Variants in KCNK2 observed in about 807,000 individuals in gnomAD.
KCNK2 encodes the protein potassium channel subfamily K member 2.
In KCNK2, 21 loss-of-function variants were observed where a neutral mutation model predicts 40.5. The ratio of observed to expected loss-of-function variants is 0.52; its 90% CI spans 0.37 to 0.75. The LOEUF is 0.75. KCNK2 is among the 30% of genes least tolerant of loss of function. The pLI is 0.00. For missense variants in KCNK2, 399 were observed against 531.6 expected (o/e 0.75, Z 2.45); for synonymous variants, 191 against 202.2 (o/e 0.94, Z 0.47).
At chr1:215,044,833 G>GCGCGCA (rs540471262) in intron 1 of KCNK2, among the ~76,000 whole-genome samples, 340 of 141,410 alleles carry the variant, frequency 2.4e-3, no homozygotes, top group African/African-American at 8.5e-3. Flanking sequence ...GTGTGCGCGC[G>GCGCGCA]CACACGTGTG....
At chr1:215,055,787 A>T (rs537056571) in intron 1 of KCNK2, among the ~76,000 whole-genome samples, 2 of 152,290 alleles carry the variant, frequency 1.3e-5, no homozygotes, top group African/African-American at 4.8e-5. Context: ...TGACCTTTTG[A>T]TGTACTTGAG....
At chr1:215,046,469 A>G (rs1397854865) in intron 1 of KCNK2, among the ~76,000 whole-genome samples, 2 of 152,050 alleles carry the variant, frequency 1.3e-5, no homozygotes, top group Non-Finnish European at 1.5e-5. Context: ...GGGAGACTTC[A>G]TTTTCTGATA....
rs530725721 is a variant in KCNK2 at position 215,172,888 on chromosome 1, C to T, written c.823+705C>T. The stretch of plus-strand genomic sequence containing the variant: ...ATCAGGCTGGTCTTGAACTCCTGAA[C>T]TTAGGTGCCTCAGCCTCTGAAAGTG... On this transcript the variant is annotated intron_variant, in intron 5 of 6. Coordinates refer to ENST00000444842, the MANE Select transcript of KCNK2 (RefSeq NM_001017425.3). 7.9e-5 allele frequency among the ~76,000 whole-genome samples: 12 copies of T among 152,112 alleles called. No individual in the cohort carries two copies. The South Asian group carries it at 2.5e-3, about 32-fold the overall frequency.
At chr1:215,042,801 G>A (rs1395570186) in intron 1 of KCNK2, among the ~76,000 whole-genome samples, 2 of 152,052 alleles carry the variant, frequency 1.3e-5, no homozygotes, top group African/African-American at 4.8e-5. Flanking sequence ...CATTTCCTAA[G>A]TGGGCTTACC....
chr1:215,104,933 C>T (rs938130433), intron 2 of KCNK2, among the ~76,000 whole-genome samples: 60 of 151,952 alleles, frequency 3.9e-4, no homozygotes, highest in Non-Finnish European at 7.7e-4. Flanking sequence ...ATATCATGAA[C>T]ATCTATCCAT....
At chr1:215,159,245 T>C (rs1663081540) in intron 3 of KCNK2, among the ~76,000 whole-genome samples, 1 of 152,144 alleles carries the variant, frequency 6.6e-6, no homozygotes, top group Non-Finnish European at 1.5e-5. Context: ...TGCCAGACTT[T>C]CCTAGGTGTC....
intron 5 of KCNK2, among the ~76,000 whole-genome samples, chr1:215,177,717 T>C (rs965930551): frequency 4.7e-5 from 4 of 84,600 alleles, no homozygotes; most frequent in African/African-American, 1.5e-4. Flanking sequence ...CCTATATATA[T>C]ATGTGTATAT....
rs1198729605 is a variant in KCNK2, at chr1:215,235,026, C to G, written c.1162C>G (p.His388Asp). ...TPCRRTLSVN[H>D]LTSERDVLPP... is the part of the protein sequence containing the mutation. ...TTGTAGGAGGACCCTGTCAGTGAAC[C>G]ACCTGACCAGCGAGAGGGATGTCTT... The change falls in exon 7 of 7, where the codon CAC (histidine) becomes GAC (aspartate). Residue 388 changes from histidine to aspartate, a missense_variant. His to Asp is a moderately conservative substitution (Grantham distance 81). Transcript: ENST00000444842. The G allele has an allele frequency of 1.2e-6, 2 of 1,613,856 alleles. No homozygotes were observed. Among genetic ancestry groups the G allele is most frequent in the Non-Finnish European group, 1.7e-6 (2 of 1,179,964 alleles).
intron 1 of KCNK2, among the ~76,000 whole-genome samples, chr1:215,066,681 C>T (rs1330814356): frequency 6.6e-6 from 1 of 152,094 alleles, no homozygotes; most frequent in African/African-American, 2.4e-5. Context: ...AGAGGGCTGA[C>T]CAAGGTAGTC....
At chr1:215,068,619 G>A (rs974415520) in intron 1 of KCNK2, among the ~76,000 whole-genome samples, 7 of 152,188 alleles carry the variant, frequency 4.6e-5, no homozygotes, top group Admixed American at 3.9e-4. Context: ...ACACTTGGTG[G>A]CTGGTAGATT....
At chr1:215,135,731 A>T (rs924221414) in intron 3 of KCNK2, among the ~76,000 whole-genome samples, 1 of 139,374 alleles carries the variant, frequency 7.2e-6, no homozygotes, top group Non-Finnish European at 1.7e-5. Context: ...TTTTTATTTT[A>T]TTTATTTATT....
chr1:215,096,552 C>G (rs1430394872), intron 2 of KCNK2, among the ~76,000 whole-genome samples: 3 of 151,864 alleles, frequency 2.0e-5, no homozygotes, highest in Non-Finnish European at 4.4e-5. Flanking sequence ...ACACAGAAGA[C>G]TTAATACAGT....
At chr1:215,141,982 A>G (rs1378327367) in intron 3 of KCNK2, among the ~76,000 whole-genome samples, 1 of 151,686 alleles carries the variant, frequency 6.6e-6, no homozygotes, top group Non-Finnish European at 1.5e-5. Flanking sequence ...TCTATATTTC[A>G]TTTGTCTTTT....
In KCNK2 at chr1:215,236,848, A is replaced by G. The variant is rs1047391873; in HGVS notation, c.*1703A>G. 2.0e-5 allele frequency: 3 copies of G among 152,182 alleles called. No homozygotes were observed. Among genetic ancestry groups the G allele is most frequent in the Non-Finnish European group, 4.4e-5 (3 of 68,026 alleles). 9.4% of individuals were successfully genotyped at this position (152,182 alleles called of 1,614,324 possible). On this transcript the variant is annotated 3_prime_UTR_variant, in exon 7 of 7. Coordinates refer to ENST00000444842, the MANE Select transcript of KCNK2 (RefSeq NM_001017425.3). ...CCAGAATCTTTAAAAGAAGCAAATA[A>G]ACTAATAGACGCTTATTTTCCAAAA...
intron 2 of KCNK2, among the ~76,000 whole-genome samples, chr1:215,093,637 CAATATAT>C (rs1235183921): frequency 1.2e-5 from 1 of 85,484 alleles, no homozygotes; most frequent in Non-Finnish European, 2.0e-5. Flanking sequence ...AATATATATA[CAATATAT>C]AATATAGAAT....
At chr1:215,095,646 G>T (rs533166124) in intron 2 of KCNK2, among the ~76,000 whole-genome samples, 2 of 152,128 alleles carry the variant, frequency 1.3e-5, no homozygotes, top group South Asian at 2.1e-4. Context: ...ATGTTATGGG[G>T]TTGCGTTTTT....
intron 3 of KCNK2, among the ~76,000 whole-genome samples, chr1:215,142,378 A>C (rs1188046546): frequency 6.6e-6 from 1 of 152,170 alleles, no homozygotes; most frequent in Non-Finnish European, 1.5e-5. Context: ...GTTGGAGTAC[A>C]TAATCTAGAA....
chr1:215,100,244 G>C (rs1257218200), intron 2 of KCNK2, among the ~76,000 whole-genome samples: 1 of 151,932 alleles, frequency 6.6e-6, no homozygotes, highest in Non-Finnish European at 1.5e-5. Context: ...TCTCAACAGG[G>C]TAACAGTGTG....
At chr1:215,139,292 T>G (rs1404576397) in intron 3 of KCNK2, among the ~76,000 whole-genome samples, 3 of 152,142 alleles carry the variant, frequency 2.0e-5, no homozygotes, top group Non-Finnish European at 4.4e-5. Flanking sequence ...ATAGATACAT[T>G]CCTTTGTTAT....
Sources: gnomAD v4.1 joint callset for allele counts (sites outside exome capture counted in the v4.1 genomes callset) on GRCh38, gnomAD v4.1.1 for gene constraint, MANE v1.5 for transcripts, NCBI Gene and HGNC (gene_info 2026-07-23, HGNC 2026-07-21) for gene names.